Variants in CACHD1 observed in about 807,000 individuals in gnomAD.
The protein encoded by CACHD1 is VWFA and cache domain-containing protein 1.
CACHD1 carries 71 observed loss-of-function variants against 138.7 expected under a neutral mutation model. That is an observed-to-expected ratio of 0.51 (90% CI 0.42 to 0.62). CACHD1 has a LOEUF of 0.62. Among genes scored for constraint, CACHD1 ranks in the 20% least tolerant of loss-of-function variants. CACHD1 has a pLI of 0.00. For synonymous variants in CACHD1, 578 were observed against 591.5 expected (o/e 0.98, Z 0.33); for missense variants, 1,389 against 1,625.3 (o/e 0.85, Z 2.50).
chr1:64,578,806 C>T (rs2100530087), intron 2 of CACHD1, among the ~76,000 whole-genome samples: 1 of 152,302 alleles, frequency 6.6e-6, no homozygotes, highest in East Asian at 1.9e-4. Flanking sequence ...TTCCAAGAGA[C>T]AGGCATGTCC....
chr1:64,594,259 A>AG (rs1647132139), intron 3 of CACHD1, among the ~76,000 whole-genome samples: 1 of 151,734 alleles, frequency 6.6e-6, no homozygotes, highest in African/African-American at 2.4e-5. Flanking sequence ...TGTCTAAAAA[A>AG]AAAAAAAAAA....
chr1:64,657,927 A>G (rs930310996), intron 12 of CACHD1, among the ~76,000 whole-genome samples: 5 of 152,202 alleles, frequency 3.3e-5, no homozygotes, highest in Non-Finnish European at 5.9e-5. Flanking sequence ...AAGTGGCTAG[A>G]ACTAGGTAGA....
chr1:64,584,902 G>T (rs562879686), intron 3 of CACHD1, among the ~76,000 whole-genome samples: 1 of 152,270 alleles, frequency 6.6e-6, no homozygotes, highest in Non-Finnish European at 1.5e-5. Flanking sequence ...GAGAGGTATT[G>T]TGGTTCCTCA....
chr1:64,550,318 G>A (rs1326427828), intron 1 of CACHD1, among the ~76,000 whole-genome samples: 2 of 152,126 alleles, frequency 1.3e-5, no homozygotes, highest in African/African-American at 4.8e-5. Context: ...GGATAAAATG[G>A]CATGGACTCC....
intron 1 of CACHD1, among the ~76,000 whole-genome samples, chr1:64,478,692 G>A (rs1019569800): frequency 4.6e-5 from 7 of 152,110 alleles, no homozygotes; most frequent in African/African-American, 1.7e-4. Context: ...CTAAAATATG[G>A]GATCTAGAGT....
At chr1:64,634,995 CAAAAAAAA>C (rs71056059) in intron 7 of CACHD1, among the ~76,000 whole-genome samples, 3 of 63,876 alleles carry the variant, frequency 4.7e-5, no homozygotes, top group African/African-American at 1.4e-4. Context: ...GACTCTGTCT[CAAAAAAAA>C]AAAAAAAAAA....
intron 24 of CACHD1, among the ~76,000 whole-genome samples, chr1:64,680,330 A>T (rs1650131060): frequency 1.3e-5 from 2 of 152,080 alleles, no homozygotes; most frequent in Admixed American, 6.5e-5. Flanking sequence ...CTCTACTAAA[A>T]ATACAAAAAC....
intron 1 of CACHD1, among the ~76,000 whole-genome samples, chr1:64,533,972 C>T (rs1031732548): frequency 3.3e-5 from 5 of 151,570 alleles, no homozygotes; most frequent in Non-Finnish European, 7.4e-5. Context: ...CCAGGATGGT[C>T]TCAACCTCCT....
At chr1:64,644,862 C>T (rs1648851376) in intron 8 of CACHD1, among the ~76,000 whole-genome samples, 1 of 152,204 alleles carries the variant, frequency 6.6e-6, no homozygotes, top group Admixed American at 6.5e-5. Context: ...CTTTGGGATG[C>T]CGAGGCAGGC....
intron 4 of CACHD1, among the ~76,000 whole-genome samples, chr1:64,610,611 G>A (rs947552986): frequency 7.2e-5 from 11 of 152,240 alleles, no homozygotes; most frequent in Admixed American, 7.2e-4. Flanking sequence ...TGATACAAGA[G>A]ATGAGCTCCC....
At chr1:64,508,117 G>C (rs1398617463) in intron 1 of CACHD1, among the ~76,000 whole-genome samples, 6 of 152,142 alleles carry the variant, frequency 3.9e-5, no homozygotes, top group Non-Finnish European at 7.3e-5. Flanking sequence ...GAGAGAGAAG[G>C]GGGAGGTGCT....
chr1:64,682,672 G>A (rs551079403), intron 26 of CACHD1, among the ~76,000 whole-genome samples: 105 of 152,286 alleles, frequency 6.9e-4, no homozygotes, highest in African/African-American at 2.5e-3. Flanking sequence ...AGATGCTCAG[G>A]AAGGGTCAAG....
chr1:64,572,522 G>A lies in CACHD1; in HGVS notation c.262-9634G>A, dbSNP rs1646934356. Reference sequence around the variant, plus strand: ...TTGGGAGGCTTGGGTGTGTATTGCAGTGACTCTCCTGCAATACCCAACACA... The same window carrying A: ...TTGGGAGGCTTGGGTGTGTATTGCAATGACTCTCCTGCAATACCCAACACA... On this transcript the variant is annotated intron_variant, in intron 2 of 26. Transcript: ENST00000651257. 1.3e-5 allele frequency among the ~76,000 whole-genome samples: 2 copies of A among 152,086 alleles called. 1 individual carries two copies. The highest frequency in any genetic ancestry group is 4.2e-4 in the South Asian group (2 of 4,818).
rs112896803 is a variant in CACHD1, at chr1:64,603,802, C to G, written c.517+890C>G. On this transcript the variant is annotated intron_variant, in intron 4 of 26. Transcript: ENST00000651257. ...ATCTCCACTTTTTTGCCCTAGAGTT[C>G]CACTCCATATTTCTCTTTCTTTTTG... Among the ~76,000 whole-genome samples the G allele has an allele frequency of 8.3e-3, 1,266 of 152,220 alleles. 7 individuals carry two copies. The highest frequency in any genetic ancestry group is 0.013 in the Non-Finnish European group (870 of 67,998).
intron 1 of CACHD1, among the ~76,000 whole-genome samples, chr1:64,525,328 C>G (rs538208334): frequency 6.6e-6 from 1 of 152,202 alleles, no homozygotes; most frequent in South Asian, 2.1e-4. Context: ...AAAAGAATTT[C>G]TCAATGATTA....
intron 10 of CACHD1, 21 bp from the exon 11 acceptor site, chr1:64,653,737 C>A: frequency 4.4e-6 from 7 of 1,603,200 alleles, no homozygotes; most frequent in Non-Finnish European, 6.0e-6. Flanking sequence ...TATTAACATG[C>A]ATTTTGTTTT....
chr1:64,537,325 A>T (rs886792241), intron 1 of CACHD1, among the ~76,000 whole-genome samples: 6 of 152,174 alleles, frequency 3.9e-5, no homozygotes, highest in Admixed American at 3.9e-4. Flanking sequence ...CCTCTGCAAC[A>T]TATTTCTTAA....
rs960189905 is a variant in CACHD1 at position 64,561,796 on chromosome 1, T to G, written c.261+11140T>G. Among the ~76,000 whole-genome samples, 14 of 142,366 alleles carry G rather than the reference T, an allele frequency of 9.8e-5. 4 individuals are homozygous for G. The highest frequency in any genetic ancestry group is 3.0e-4 in the Admixed American group (4 of 13,366). The allele number at this position is 142,366 out of a possible 152,430, so 93.4% of individuals were successfully genotyped here. On this transcript the variant is annotated intron_variant, in intron 2 of 26. Coordinates refer to ENST00000651257, the MANE Select transcript of CACHD1 (RefSeq NM_020925.4). ...TTGGTTGAGCCAAGGAGGTTGAGGCTACAGTGAACTGTGATGATGCCGCTG... is the reference window on the plus strand; with the variant it reads ...TTGGTTGAGCCAAGGAGGTTGAGGCGACAGTGAACTGTGATGATGCCGCTG...
chr1:64,608,222 A>C (rs151276068), intron 4 of CACHD1, among the ~76,000 whole-genome samples: 1 of 152,176 alleles, frequency 6.6e-6, no homozygotes, highest in Non-Finnish European at 1.5e-5. Flanking sequence ...AAGTTTTGCA[A>C]CATTCTACTA....
Sources: gnomAD v4.1 joint callset for allele counts (sites outside exome capture counted in the v4.1 genomes callset) on GRCh38, gnomAD v4.1.1 for gene constraint, MANE v1.5 for transcripts, NCBI Gene and HGNC (gene_info 2026-07-23, HGNC 2026-07-21) for gene names.